CFAP47: variants seen among roughly 807,000 people sequenced by gnomAD.
The protein encoded by CFAP47 is cilia and flagella associated protein 47.
Under a neutral mutation model 148.1 loss-of-function variants are expected in CFAP47, and 29 were observed. That is an observed-to-expected ratio of 0.20 (90% CI 0.15 to 0.27). CFAP47 has a LOEUF of 0.27. CFAP47 is among the 10% of genes least tolerant of loss of function. CFAP47 has a pLI of 1.00. For missense variants in CFAP47, 1,872 were observed against 1,697.5 expected, an observed-to-expected ratio of 1.10 and a Z score of -1.81; for synonymous variants, 664 against 577.3, an observed-to-expected ratio of 1.15 and a Z score of -2.15.
At chrX:35,934,906 A>G (rs190359508) in intron 2 of CFAP47, among the ~76,000 whole-genome samples, 154 of 111,218 alleles carry the variant, frequency 1.4e-3, no homozygotes, top group Middle Eastern at 0.014. Flanking sequence ...CTGGTGCTCT[A>G]TCCTACTGTG....
chrX:35,974,134 G>A (rs1006060427), intron 13 of CFAP47, among the ~76,000 whole-genome samples: 11 of 111,644 alleles, frequency 9.9e-5, no homozygotes, highest in Non-Finnish European at 1.9e-4. Flanking sequence ...AGTAGATCGA[G>A]AATAATAGAA....
At chrX:35,953,547 A>G (rs769241909) in intron 6 of CFAP47, 45 bp from the exon 7 acceptor site, 5 of 1,029,738 alleles carry the variant, frequency 4.9e-6, no homozygotes, top group South Asian at 2.4e-5. Context: ...GTGATAAAGT[A>G]TATCAACTTT....
chrX:36,024,344 T>A (rs1318050382), intron 22 of CFAP47, among the ~76,000 whole-genome samples: 1 of 111,723 alleles, frequency 9.0e-6, no homozygotes, highest in Non-Finnish European at 1.9e-5. Flanking sequence ...CTTTTGCCTC[T>A]CTTCTCCTCA....
chrX:35,927,109 C>T (rs1451387613), intron 2 of CFAP47, among the ~76,000 whole-genome samples: 2 of 107,926 alleles, frequency 1.9e-5, no homozygotes, highest in African/African-American at 6.8e-5. Context: ...GAGCCGAGAT[C>T]ACGCCACTGC....
chrX:36,300,281 C>T (rs952624562), intron 52 of CFAP47, among the ~76,000 whole-genome samples: 9 of 100,588 alleles, frequency 8.9e-5, no homozygotes, highest in Admixed American at 1.1e-4. Flanking sequence ...GAGATACCAT[C>T]CCAGTTATAC....
At chrX:36,360,759 C>A (rs1296033242) in intron 60 of CFAP47, among the ~76,000 whole-genome samples, 1 of 111,790 alleles carries the variant, frequency 8.9e-6, no homozygotes, top group Non-Finnish European at 1.9e-5. Flanking sequence ...TACTACTTTT[C>A]TTTGGTAACC....
chrX:36,122,352 G>T (rs1158746425), intron 33 of CFAP47, among the ~76,000 whole-genome samples: 2 of 111,195 alleles, frequency 1.8e-5, no homozygotes, highest in African/African-American at 6.5e-5. Flanking sequence ...CTCTAGGTTT[G>T]GGAAGTTCTC....
chrX:36,006,366 G>A (rs912998648), intron 21 of CFAP47, among the ~76,000 whole-genome samples: 11 of 111,451 alleles, frequency 9.9e-5, no homozygotes, highest in Non-Finnish European at 1.9e-5. Context: ...TAGTGTATTG[G>A]AGTGTAATTC....
Position 35,971,754 on chromosome X carries a change from A to G in CFAP47, c.2139A>G (p.Glu713=), listed in dbSNP as rs775589811. The change falls in exon 12 of 64, where the codon GAA becomes GAG. Residue 713 remains glutamate, a synonymous_variant. Transcript: ENST00000378653. The part of the protein sequence containing the change: ...LTTRGIASQE[E]ESVRRKVLKG... ...CCAGGGGTATAGCATCTCAGGAGGA[A>G]GAGTCTGTGAGAAGAAAGGCACGTG... 5.8e-6 allele frequency: 7 copies of G among 1,207,716 alleles called. No individual in the cohort carries two copies. Among genetic ancestry groups the G allele is most frequent in the Admixed American group, 2.2e-5 (1 of 45,541 alleles).
intron 44 of CFAP47, among the ~76,000 whole-genome samples, chrX:36,203,339 C>T (rs1940003206): frequency 9.0e-6 from 1 of 111,267 alleles, no homozygotes; most frequent in African/African-American, 3.3e-5. Flanking sequence ...AATGCCCTCC[C>T]ATTTTCTTTT....
chrX:35,998,358 T>C lies in CFAP47; in HGVS notation c.3177+969T>C, dbSNP rs1158694433. On this transcript the variant is annotated intron_variant, in intron 19 of 63. Transcript: ENST00000378653. ...GCGCTTTAGTGTTTAGATCTGGACT[T>C]ACCTATTCAAAGAAACTTTCCTTGA... Among the ~76,000 whole-genome samples, 3 of 111,681 alleles carry C rather than the reference T, an allele frequency of 2.7e-5. No individual in the cohort carries two copies. In the East Asian group the frequency reaches 8.4e-4, roughly 31 times the overall value.
intron 35 of CFAP47, among the ~76,000 whole-genome samples, chrX:36,140,578 CTT>C (rs1939121788): frequency 9.0e-6 from 1 of 111,423 alleles, no homozygotes; most frequent in Admixed American, 9.6e-5. Context: ...TGCCCTAACT[CTT>C]TATTAGCCCA....
At chrX:36,367,852 C>T (rs1211756291) in intron 62 of CFAP47, 1 of 111,316 alleles carries the variant, frequency 9.0e-6, no homozygotes, top group Non-Finnish European at 1.9e-5. Context: ...TTACATAATA[C>T]GTAGTCTTTT....
chrX:36,072,514 A>G (rs1036778121), intron 28 of CFAP47, among the ~76,000 whole-genome samples: 6 of 111,975 alleles, frequency 5.4e-5, no homozygotes, highest in Middle Eastern at 4.3e-3. Flanking sequence ...TAACTGTTCA[A>G]ATATTTATTT....
intron 46 of CFAP47, among the ~76,000 whole-genome samples, chrX:36,234,153 T>A (rs372998247): frequency 9.2e-6 from 1 of 109,110 alleles, no homozygotes; most frequent in South Asian, 4.1e-4. Flanking sequence ...TGAATCTGAA[T>A]GTTGGCCTGC....
At chrX:35,925,831 T>C (rs1390301236) in intron 1 of CFAP47, among the ~76,000 whole-genome samples, 186 bp from the exon 2 acceptor site, 1 of 111,870 alleles carries the variant, frequency 8.9e-6, no homozygotes, top group African/African-American at 3.3e-5. Context: ...TAGTTTTTTG[T>C]ATTTTAGTAG....
At chrX:36,055,937 T>C (rs921590852) in intron 26 of CFAP47, among the ~76,000 whole-genome samples, 2 of 111,534 alleles carry the variant, frequency 1.8e-5, no homozygotes, top group African/African-American at 6.5e-5. Context: ...TTTTTCATGT[T>C]TGTGGGCTGC....
chrX:36,248,827 A>G (rs1555997661), intron 48 of CFAP47, among the ~76,000 whole-genome samples: 2 of 111,246 alleles, frequency 1.8e-5, no homozygotes, highest in African/African-American at 6.5e-5. Context: ...GTAATCATGT[A>G]CAGTATGATT....
chrX:35,925,897 C>T (rs1026266349), intron 1 of CFAP47, 120 bp from the exon 2 acceptor site: 10 of 497,948 alleles, frequency 2.0e-5, no homozygotes, highest in Middle Eastern at 4.4e-4. Flanking sequence ...CCTCATGATT[C>T]GCTGGCCTCC....
Sources: gnomAD v4.1 joint callset for allele counts (sites outside exome capture counted in the v4.1 genomes callset) on GRCh38, gnomAD v4.1.1 for gene constraint, MANE v1.5 for transcripts, NCBI Gene and HGNC (gene_info 2026-07-23, HGNC 2026-07-21) for gene names.